DDX31: variants seen among roughly 807,000 people sequenced by gnomAD.
The protein encoded by DDX31 is ATP-dependent DNA helicase DDX31.
A neutral mutation model predicts 91.3 loss-of-function variants in DDX31; 70 were observed. That is an observed-to-expected ratio of 0.77 (90% confidence interval 0.63 to 0.94). DDX31 has a LOEUF of 0.94. Ranked by LOEUF, DDX31 falls within the 40% of genes least tolerant of loss-of-function variation. DDX31 has a pLI of 0.00. For missense variants in DDX31, 902 were observed against 925.0 expected (o/e 0.98, Z 0.32); for synonymous variants, 362 against 350.6 (o/e 1.03, Z -0.36).
intron 19 of DDX31, among the ~76,000 whole-genome samples, chr9:132,610,148 C>T (rs879591276): frequency 1.3e-5 from 2 of 152,162 alleles, no homozygotes; most frequent in African/African-American, 4.8e-5. Context: ...AGTTCCCAGG[C>T]CCCGCAGCCT....
At chr9:132,638,085 T>C (rs1833238854) in intron 14 of DDX31, 1 of 1,284,490 alleles carries the variant, frequency 7.8e-7, no homozygotes, top group Non-Finnish European at 9.9e-7. Context: ...GAAAAAGAAA[T>C]GCACGCGCCG....
chr9:132,669,594 T>G, intron 1 of DDX31: 1 of 1,504,494 alleles, frequency 6.6e-7, no homozygotes, highest in South Asian at 1.2e-5. Context: ...AGCCTCTAAT[T>G]CCTTCCTTTA....
At chr9:132,614,239 G>A (rs189850421) in intron 18 of DDX31, among the ~76,000 whole-genome samples, 1 of 152,280 alleles carries the variant, frequency 6.6e-6, no homozygotes, top group Non-Finnish European at 1.5e-5. Context: ...CCCAATCGAT[G>A]AGCAATAATA....
At chr9:132,647,124 A>G in intron 11 of DDX31, 66 bp from the exon 12 acceptor site, 1 of 1,441,778 alleles carries the variant, frequency 6.9e-7, no homozygotes, top group South Asian at 1.2e-5. Flanking sequence ...ACAAAAGCGT[A>G]CCCCCATACA....
intron 16 of DDX31, among the ~76,000 whole-genome samples, chr9:132,627,056 A>C (rs1481750019): frequency 6.6e-6 from 1 of 152,206 alleles, no homozygotes; most frequent in African/African-American, 2.4e-5. Flanking sequence ...AACAGAGCCC[A>C]GTCCCATCTT....
rs9785259 is a variant in DDX31 at position 132,637,670 on chromosome 9, C to T, written c.1440+4334G>A. On this transcript the variant is annotated intron_variant, in intron 14 of 19. Transcript: ENST00000372159. ...GTTGTCCGGGTGACAGATTGGGCTG[C>T]GTAATCAGAGGAGGAAGGAGAGAGT... Among the ~76,000 whole-genome samples, 695 of 152,206 alleles carry T rather than the reference C, an allele frequency of 4.6e-3. 5 individuals are homozygous for T. The highest frequency in any genetic ancestry group is 0.016 in the African/African-American group (660 of 41,516).
chr9:132,619,745 A>C (rs1438474921), intron 17 of DDX31, among the ~76,000 whole-genome samples: 1 of 152,170 alleles, frequency 6.6e-6, no homozygotes, highest in South Asian at 2.1e-4. Context: ...CCGTGTTACC[A>C]AAGTGGACAT....
chr9:132,638,059 T>C, intron 14 of DDX31: 9 of 1,236,272 alleles, frequency 7.3e-6, no homozygotes, highest in African/African-American at 1.5e-5. Context: ...GCACAGGTGA[T>C]TTAGGTGCAT....
chr9:132,638,366 G>C (rs1028723387), intron 14 of DDX31: 3 of 1,614,174 alleles, frequency 1.9e-6, no homozygotes, highest in East Asian at 2.2e-5. Context: ...GTTCTTCACT[G>C]TAAGTAGGAG....
At chr9:132,656,607 C>A (rs1228067715) in intron 6 of DDX31, among the ~76,000 whole-genome samples, 1 of 152,192 alleles carries the variant, frequency 6.6e-6, no homozygotes, top group East Asian at 1.9e-4. Context: ...AGAGGATGAA[C>A]AATTTGCCTC....
intron 19 of DDX31, among the ~76,000 whole-genome samples, chr9:132,608,259 C>A (rs1487865303): frequency 6.6e-6 from 1 of 151,960 alleles, no homozygotes; most frequent in African/African-American, 2.4e-5. Flanking sequence ...GACAGGTTTG[C>A]GTGTAGGTGT....
chr9:132,626,649 T>C (rs1205588289), intron 16 of DDX31, among the ~76,000 whole-genome samples: 1 of 151,972 alleles, frequency 6.6e-6, no homozygotes, highest in Non-Finnish European at 1.5e-5. Flanking sequence ...TTTTTTTTTT[T>C]TGAAAATGTA....
At chr9:132,653,108 T>C (rs887230728) in intron 6 of DDX31, among the ~76,000 whole-genome samples, 2 of 151,344 alleles carry the variant, frequency 1.3e-5, no homozygotes, top group Non-Finnish European at 2.9e-5. Flanking sequence ...GATGTTATTT[T>C]ATCTTACAAA....
At chr9:132,635,202 A>C (rs893069085) in intron 14 of DDX31, among the ~76,000 whole-genome samples, 1 of 152,070 alleles carries the variant, frequency 6.6e-6, no homozygotes, top group African/African-American at 2.4e-5. Context: ...TGAGAAGGTG[A>C]CTTTCTCCTT....
Position 132,641,932 on chromosome 9 carries a change from C to G in DDX31, c.1440+72G>C, listed in dbSNP as rs180692291. On this transcript the variant is annotated intron_variant, in intron 14 of 19. Coordinates refer to ENST00000372159, the MANE Select transcript of DDX31 (RefSeq NM_022779.9). ...TAGGACTGACCACAGGACAAACTGT[C>G]AAGAGACGAAAGATTACACAGCCAT... 104 of 1,517,836 alleles carry G rather than the reference C, an allele frequency of 6.9e-5. No homozygotes were observed. The Admixed American group carries it at 9.4e-4, about 14-fold the overall frequency. The allele number at this position is 1,517,836 out of a possible 1,614,324, so 94.0% of individuals were successfully genotyped here. A position where few individuals can be genotyped will look rare whatever the true frequency, so the allele number is the denominator to read the frequency against.
At chr9:132,663,386 G>A (rs1835108729) in intron 1 of DDX31, 2 of 985,250 alleles carry the variant, frequency 2.0e-6, no homozygotes, top group African/African-American at 1.7e-5. Flanking sequence ...CTTGCCTTTC[G>A]AGTCTCTGAG....
intron 16 of DDX31, among the ~76,000 whole-genome samples, chr9:132,627,991 C>T (rs1832499197): frequency 1.3e-5 from 2 of 152,204 alleles, no homozygotes; most frequent in African/African-American, 4.8e-5. Flanking sequence ...CTTCCCACTG[C>T]GCACTTTGCA....
chr9:132,598,112 A>C (rs1830536477), intron 19 of DDX31, among the ~76,000 whole-genome samples: 1 of 152,016 alleles, frequency 6.6e-6, no homozygotes, highest in Non-Finnish European at 1.5e-5. Flanking sequence ...TAGGTGGGAG[A>C]AGCTCAGGCC....
intron 14 of DDX31, among the ~76,000 whole-genome samples, chr9:132,636,831 G>C (rs1833149370): frequency 1.3e-5 from 2 of 152,184 alleles, no homozygotes; most frequent in South Asian, 4.1e-4. Flanking sequence ...TCTAGGAAGA[G>C]AGAACTGGAC....
Sources: allele counts gnomAD v4.1 joint callset (sites outside exome capture counted in the v4.1 genomes callset), GRCh38; gene constraint gnomAD v4.1.1; transcripts MANE v1.5; gene names NCBI Gene and HGNC (gene_info 2026-07-23, HGNC 2026-07-21).